The following SOX6 variants were observed in gnomAD, a reference collection of about 807,000 sequenced individuals.
The protein encoded by SOX6 is transcription factor SOX-6.
A neutral mutation model predicts 97.8 loss-of-function variants in SOX6; 11 were observed. That is an observed-to-expected ratio of 0.11 (90% confidence interval 0.07 to 0.19). SOX6 has a LOEUF of 0.19. Among genes scored for constraint, SOX6 ranks in the 10% least tolerant of loss-of-function variants. The pLI, the probability that SOX6 is intolerant of heterozygous loss-of-function variation, is 1.00. For missense variants in SOX6, 810 were observed against 1,039.5 expected, an observed-to-expected ratio of 0.78 and a Z score of 3.04; for synonymous variants, 360 against 371.4, an observed-to-expected ratio of 0.97 and a Z score of 0.35.
intron 9 of SOX6, among the ~76,000 whole-genome samples, chr11:16,062,515 T>C (rs983362880): frequency 1.3e-5 from 2 of 151,664 alleles, no homozygotes; most frequent in Non-Finnish European, 3.0e-5. Flanking sequence ...TATGACAGGC[T>C]TAGCCAAAGT....
chr11:16,000,857 T>A (rs1179842584), intron 13 of SOX6, among the ~76,000 whole-genome samples: 1 of 152,048 alleles, frequency 6.6e-6, no homozygotes, highest in East Asian at 1.9e-4. Context: ...ATTTATTTTA[T>A]TTTATTTATT....
At chr11:16,375,843 T>C (rs1423475327) in intron 1 of SOX6, among the ~76,000 whole-genome samples, 2 of 152,052 alleles carry the variant, frequency 1.3e-5, no homozygotes, top group African/African-American at 4.8e-5. Context: ...CATGGAATAC[T>C]ATGCAGCCAT....
At chr11:16,466,621 T>C (rs1860036844) in intron 1 of SOX6, among the ~76,000 whole-genome samples, 1 of 149,122 alleles carries the variant, frequency 6.7e-6, no homozygotes, top group African/African-American at 2.5e-5. Flanking sequence ...TAAACAAAAT[T>C]ACAAGAAAAA....
intron 3 of SOX6, among the ~76,000 whole-genome samples, chr11:16,706,305 G>A (rs1238194571): frequency 6.7e-6 from 1 of 148,880 alleles, no homozygotes; most frequent in East Asian, 2.0e-4. Context: ...TTAATTAGCT[G>A]GGTATAGTAA....
At chr11:16,044,229 G>A (rs1007715228) in intron 12 of SOX6, among the ~76,000 whole-genome samples, 2 of 152,044 alleles carry the variant, frequency 1.3e-5, no homozygotes, top group Non-Finnish European at 2.9e-5. Context: ...CCTCTGCAAA[G>A]AGTGTCCAAA....
rs186334393 is a variant in SOX6 at position 16,395,364 on chromosome 11, G to T, written c.-4-54112C>A. On this transcript the variant is annotated intron_variant, in intron 1 of 15. Coordinates refer to the SOX6 transcript ENST00000396356. ...GGTTTGCATTGGAAGGAGCAAGGAGGGTTTCTCTGAAGAAATGACATTTAA... is the reference window on the plus strand; with the variant it reads ...GGTTTGCATTGGAAGGAGCAAGGAGTGTTTCTCTGAAGAAATGACATTTAA... Among the ~76,000 whole-genome samples, 59 of 151,884 alleles carry T rather than the reference G, an allele frequency of 3.9e-4. No individual in the cohort carries two copies. The East Asian group carries it at 9.5e-3, about 24-fold the overall frequency.
intron 4 of SOX6, among the ~76,000 whole-genome samples, chr11:16,578,171 C>CTA (rs1848000573): frequency 6.6e-6 from 1 of 152,080 alleles, no homozygotes; most frequent in East Asian, 1.9e-4. Flanking sequence ...TTTGAAAAGA[C>CTA]TATTATTTTC....
At chr11:16,569,242 C>T (rs1340826561) in intron 4 of SOX6, among the ~76,000 whole-genome samples, 1 of 152,058 alleles carries the variant, frequency 6.6e-6, no homozygotes, top group African/African-American at 2.4e-5. Flanking sequence ...TAAATAAATG[C>T]ATCTCAGCAC....
chr11:16,358,146 G>C (rs1857119228), upstream of SOX6, among the ~76,000 whole-genome samples: 1 of 152,090 alleles, frequency 6.6e-6, no homozygotes. Context: ...CCCAAAAAGG[G>C]CCAGAGCCAT....
At chr11:16,436,169 A>T (rs1859372470) in intron 1 of SOX6, among the ~76,000 whole-genome samples, 1 of 152,200 alleles carries the variant, frequency 6.6e-6, no homozygotes, top group African/African-American at 2.4e-5. Flanking sequence ...GTAACAAACC[A>T]TGTTTCTGCA....
At chr11:16,640,610 G>A (rs1404098717) in intron 3 of SOX6, among the ~76,000 whole-genome samples, 7 of 152,176 alleles carry the variant, frequency 4.6e-5, no homozygotes, top group Admixed American at 4.6e-4. Flanking sequence ...TCTAGTCAGA[G>A]ATTCAACTTC....
intron 3 of SOX6, among the ~76,000 whole-genome samples, chr11:16,649,688 C>G (rs1849064279): frequency 6.6e-6 from 1 of 151,646 alleles, no homozygotes; most frequent in African/African-American, 2.4e-5. Flanking sequence ...GCATAAATTT[C>G]ACAGGATCTA....
intron 3 of SOX6, among the ~76,000 whole-genome samples, chr11:16,249,940 C>A (rs562947774): frequency 2.0e-5 from 3 of 152,294 alleles, no homozygotes; most frequent in Admixed American, 6.5e-5. Flanking sequence ...AGGCTGTTGT[C>A]TCAGAAAATG....
intron 4 of SOX6, among the ~76,000 whole-genome samples, chr11:16,230,797 T>TTGTA (rs1852824859): frequency 1.3e-5 from 2 of 151,720 alleles, no homozygotes; most frequent in Non-Finnish European, 3.0e-5. Context: ...TTTTGAAGGA[T>TTGTA]ACTAAAGTTA....
chr11:16,644,557 G>A (rs1214165094), intron 3 of SOX6, among the ~76,000 whole-genome samples: 1 of 151,696 alleles, frequency 6.6e-6, no homozygotes, highest in African/African-American at 2.4e-5. Context: ...TTATTGACAA[G>A]TGCATTCATT....
chr11:16,184,679 A>ATTTAATTTAATCCATTAAATGCAT (rs2134103182), intron 5 of SOX6, among the ~76,000 whole-genome samples: 1 of 152,264 alleles, frequency 6.6e-6, no homozygotes, highest in South Asian at 2.1e-4. Context: ...AGAAATGTTA[A>ATTTAATTTAATCCATTAAATGCAT]CCATTTAATG....
chr11:16,169,229 A>C (rs1201584809), intron 6 of SOX6, among the ~76,000 whole-genome samples: 2 of 152,154 alleles, frequency 1.3e-5, no homozygotes, highest in Non-Finnish European at 2.9e-5. Context: ...TAATTCAAAT[A>C]ACTGGTACAT....
chr11:16,543,182 G>A (rs1243993738), intron 4 of SOX6, among the ~76,000 whole-genome samples: 2 of 152,082 alleles, frequency 1.3e-5, no homozygotes, highest in Non-Finnish European at 2.9e-5. Flanking sequence ...AAATAGGTGT[G>A]TGCCTTCATG....
rs571367384 is a variant in SOX6, at chr11:16,339,746, C to T, written c.237+1266G>A. ...TAGAATGCTTGGCACATAGATGGTA[C>T]TCAATAAATATTTGTTTAAATAAAA... On this transcript the variant is annotated intron_variant, in intron 2 of 15. Transcript: ENST00000683767. Among the ~76,000 whole-genome samples, 4 of 152,166 alleles carry T rather than the reference C, an allele frequency of 2.6e-5. No individual in the cohort carries two copies. The South Asian group carries it at 8.3e-4, about 32-fold the overall frequency.
Sources: gnomAD v4.1 joint callset for allele counts (sites outside exome capture counted in the v4.1 genomes callset) on GRCh38, gnomAD v4.1.1 for gene constraint, MANE v1.5 for transcripts, NCBI Gene and HGNC (gene_info 2026-07-23, HGNC 2026-07-21) for gene names.